WASHC2A: variants seen among roughly 807,000 people sequenced by gnomAD.
WASHC2A encodes the protein WASH complex subunit FAM21A.
A neutral mutation model predicts 140.3 loss-of-function variants in WASHC2A; 82 were observed. The observed-to-expected ratio is 0.58, with a 90% CI of 0.49 to 0.70. The LOEUF (loss-of-function observed/expected upper bound fraction) is 0.70, where lower values mean the gene tolerates loss of function less well. WASHC2A is among the 30% of genes least tolerant of loss of function. The pLI is 0.00. For missense variants in WASHC2A, 985 were observed against 1,521.8 expected, an observed-to-expected ratio of 0.65 and a Z score of 5.87; for synonymous variants, 340 against 560.8, an observed-to-expected ratio of 0.61 and a Z score of 5.56.
At chr10:50,105,308 A>G (rs1422777813) in intron 18 of WASHC2A, among the ~76,000 whole-genome samples, 1 of 150,632 alleles carries the variant, frequency 6.6e-6, no homozygotes, top group Non-Finnish European at 1.5e-5. Flanking sequence ...AGGCTTTGCC[A>G]TCAGACCCCT....
chr10:50,124,903 A>G (rs1454180446), intron 23 of WASHC2A, among the ~76,000 whole-genome samples: 1 of 151,454 alleles, frequency 6.6e-6, no homozygotes, highest in South Asian at 2.1e-4. Flanking sequence ...ATTTATAAAT[A>G]TATTTTCTGG....
intron 20 of WASHC2A, among the ~76,000 whole-genome samples, chr10:50,111,748 G>A (rs1199634520): frequency 2.6e-5 from 4 of 152,136 alleles, no homozygotes; most frequent in African/African-American, 4.8e-5. Flanking sequence ...AAGCCTTCCC[G>A]GCTGGGCGCA....
At chr10:50,116,297 T>G (rs1554891919) in intron 21 of WASHC2A, among the ~76,000 whole-genome samples, 1 of 83,320 alleles carries the variant, frequency 1.2e-5, no homozygotes, top group Non-Finnish European at 2.4e-5. Flanking sequence ...CCCTATCAAC[T>G]ATTTGCATTG....
At chr10:50,131,254 G>A in intron 30 of WASHC2A, 176 bp downstream of exon 30, 1 of 719,940 alleles carries the variant, frequency 1.4e-6, no homozygotes, top group Non-Finnish European at 2.6e-6. Context: ...TTTTAGTGAA[G>A]TAACTCTTTC....
chr10:50,097,792 C>T lies in WASHC2A; in HGVS notation c.1538C>T (p.Ala513Val). The T allele has an allele frequency of 1.3e-6, 2 of 1,598,748 alleles. No individual in the cohort carries two copies. The highest frequency in any genetic ancestry group is 1.7e-6 in the Non-Finnish European group (2 of 1,176,668). ...CAGACAGATGAAAATAAAGCAAGAG[C>T]AGAAAAAAAGGTGAGCAGGAGGGAA... ...VSQTDENKAR[A>V]EKKVTLSSSK... Residue 513 changes from alanine to valine, a missense_variant, in exon 16 of 31, where the codon GCA becomes GTA. By Grantham distance (64) the Ala-to-Val change is moderately conservative. Coordinates refer to ENST00000282633, the MANE Select transcript of WASHC2A (RefSeq NM_001005751.3).
At chr10:50,091,911 T>G (rs1839967422) in intron 10 of WASHC2A, among the ~76,000 whole-genome samples, 1 of 152,152 alleles carries the variant, frequency 6.6e-6, no homozygotes, top group Non-Finnish European at 1.5e-5. Flanking sequence ...ACACAATAAT[T>G]CTTTCAACAA....
Position 50,083,192 on chromosome 10 carries a change from G to A in WASHC2A, c.529-880G>A, listed in dbSNP as rs1211370139. On this transcript the variant is annotated intron_variant, in intron 5 of 30. Transcript: ENST00000282633. Reference sequence around the variant, plus strand: ...TTTTAGTATTTTCGGTAGATATTGGGTTTCACCACGTTGGCCAGGCTGGTC... The same window carrying A: ...TTTTAGTATTTTCGGTAGATATTGGATTTCACCACGTTGGCCAGGCTGGTC... 1.4e-4 allele frequency among the ~76,000 whole-genome samples: 16 copies of A among 112,404 alleles called. 5 individuals carry two copies. Among genetic ancestry groups the A allele is most frequent in the Admixed American group, 5.2e-4 (6 of 11,636 alleles). The allele number at this position is 112,404 out of a possible 152,430, so 73.7% of individuals were successfully genotyped here. A position where few individuals can be genotyped will look rare whatever the true frequency, so the allele number is the denominator to read the frequency against.
rs1554888613 is a variant in WASHC2A at position 50,106,455 on chromosome 10, G to A, written c.1859G>A (p.Ser620Asn). ...AAAGCATCTGCCCTGTTGTTCAGCA[G>A]TGATGAGGAGGTGAGCTGAGGTTTC... is the stretch of plus-strand genomic sequence containing the variant. ...KKKASALLFS[S>N]DEEDQWNIPA... Residue 620 changes from serine to asparagine, a missense_variant, in exon 19 of 31, where the codon AGT becomes AAT. Ser to Asn is a conservative substitution (Grantham distance 46). Transcript: ENST00000282633. 1 of 1,609,072 alleles carries A rather than the reference G, an allele frequency of 6.2e-7. No homozygotes were observed. The highest frequency in any genetic ancestry group is 2.2e-5 in the East Asian group (1 of 44,858).
intron 17 of WASHC2A, among the ~76,000 whole-genome samples, chr10:50,100,791 C>T (rs1841052237): frequency 6.6e-6 from 1 of 152,280 alleles, no homozygotes; most frequent in South Asian, 2.1e-4. Context: ...CCACTAACAG[C>T]CTCTGGGACC....
At chr10:50,110,366 C>G in intron 20 of WASHC2A, 96 bp downstream of exon 20, 6 of 1,515,392 alleles carry the variant, frequency 4.0e-6, no homozygotes, top group Non-Finnish European at 4.6e-6. Flanking sequence ...GATTGCTAAT[C>G]ATGGATCACA....
At chr10:50,112,332 A>T in intron 20 of WASHC2A, 1 of 700,054 alleles carries the variant, frequency 1.4e-6, no homozygotes, top group Middle Eastern at 7.2e-4. Flanking sequence ...GTTGTCTGTC[A>T]AGTTTTGTGT....
intron 26 of WASHC2A, 183 bp downstream of exon 26, chr10:50,126,362 A>G (rs1439691693): frequency 2.1e-6 from 2 of 937,494 alleles, no homozygotes; most frequent in East Asian, 2.5e-5. Flanking sequence ...TCCACACGCC[A>G]GAGTTTCATG....
chr10:50,077,434 T>G (rs1324536393), intron 3 of WASHC2A, among the ~76,000 whole-genome samples: 2 of 152,158 alleles, frequency 1.3e-5, no homozygotes, highest in Non-Finnish European at 2.9e-5. Flanking sequence ...AGGTTGGGGA[T>G]AGGGAGGGAA....
chr10:50,072,558 C>T (rs1211219389), intron 3 of WASHC2A, among the ~76,000 whole-genome samples: 2 of 134,822 alleles, frequency 1.5e-5, no homozygotes, highest in African/African-American at 5.3e-5. Flanking sequence ...GCAATCTCAG[C>T]CCACTGCAAG....
At position 50,131,213 on chromosome 10, in the gene WASHC2A, G is replaced by C. The variant is rs1843936752; in HGVS notation, c.3886+135G>C. 4 of 730,804 alleles carry C rather than the reference G, an allele frequency of 5.5e-6. No individual in the cohort carries two copies. In the South Asian group the frequency reaches 6.0e-5, roughly 11 times the overall value. The allele number at this position is 730,804 out of a possible 1,614,324, so 45.3% of individuals were successfully genotyped here. On this transcript the variant is annotated intron_variant, in intron 30 of 30. Transcript: ENST00000282633. Reference sequence around the variant, plus strand: ...TTCACTTCAGTGTAATCCTGAGTTAGGCTGAAGATAGGTAAGAGATGGACT... The same window carrying C: ...TTCACTTCAGTGTAATCCTGAGTTACGCTGAAGATAGGTAAGAGATGGACT...
At chr10:50,105,275 G>T (rs1554888146) in intron 18 of WASHC2A, among the ~76,000 whole-genome samples, 1 of 151,298 alleles carries the variant, frequency 6.6e-6, no homozygotes, top group South Asian at 2.1e-4. Flanking sequence ...CTCTCATGCA[G>T]TACTGGGCGG....
intron 23 of WASHC2A, among the ~76,000 whole-genome samples, chr10:50,124,446 G>T: frequency 6.6e-6 from 1 of 151,852 alleles, no homozygotes; most frequent in Non-Finnish European, 1.5e-5. Flanking sequence ...AGGAAATAGG[G>T]ATGAATTTTA....
At chr10:50,125,604 A>C (rs1207899320) in intron 25 of WASHC2A, among the ~76,000 whole-genome samples, 155 bp downstream of exon 25, 4 of 152,214 alleles carry the variant, frequency 2.6e-5, no homozygotes, top group Non-Finnish European at 4.4e-5. Context: ...GCGTGTGTGG[A>C]GGATGCAATG....
At chr10:50,092,536 T>A (rs1243088029) in intron 11 of WASHC2A, among the ~76,000 whole-genome samples, 4,434 of 151,298 alleles carry the variant, frequency 0.029, 71 homozygotes, top group African/African-American at 0.041. Flanking sequence ...GGGTGCCTGT[T>A]GTCCCAGCTA....
Sources: allele counts gnomAD v4.1 joint callset (sites outside exome capture counted in the v4.1 genomes callset), GRCh38; gene constraint gnomAD v4.1.1; transcripts MANE v1.5; gene names NCBI Gene and HGNC (gene_info 2026-07-23, HGNC 2026-07-21).